Variants in SNX25 observed in about 807,000 individuals in gnomAD.
SNX25 encodes the protein sorting nexin 25.
A neutral mutation model predicts 113.7 loss-of-function variants in SNX25; 62 were observed. That is an observed-to-expected ratio of 0.55 (90% CI 0.44 to 0.67). SNX25 has a LOEUF of 0.67. Ranked by LOEUF, SNX25 falls within the 30% of genes least tolerant of loss-of-function variation. The probability of loss-of-function intolerance (pLI) is 0.00; values close to 1 mark genes in which losing one functional copy is unlikely to be tolerated. For synonymous variants in SNX25, 421 were observed against 436.2 expected, an observed-to-expected ratio of 0.97 and a Z score of 0.43; for missense variants, 1,014 against 1,161.0, an observed-to-expected ratio of 0.87 and a Z score of 1.84.
intron 16 of SNX25, among the ~76,000 whole-genome samples, chr4:185,361,677 C>T (rs2095364802): frequency 6.6e-6 from 1 of 151,162 alleles, no homozygotes; most frequent in Non-Finnish European, 1.5e-5. Context: ...GGCAGAGGTT[C>T]CAGTGAGCCG....
At chr4:185,247,951 A>G (rs542291298) in intron 2 of SNX25, among the ~76,000 whole-genome samples, 2 of 152,350 alleles carry the variant, frequency 1.3e-5, no homozygotes, top group South Asian at 4.1e-4. Flanking sequence ...AAGATTTTAA[A>G]TATCAAATTT....
chr4:185,287,392 G>T, intron 5 of SNX25, among the ~76,000 whole-genome samples: 1 of 152,308 alleles, frequency 6.6e-6, no homozygotes, highest in African/African-American at 2.4e-5. Context: ...TTGGGACCGT[G>T]TTCTAAATGA....
intron 14 of SNX25, among the ~76,000 whole-genome samples, chr4:185,352,469 A>G (rs1446856622): frequency 6.6e-6 from 1 of 151,892 alleles, no homozygotes; most frequent in African/African-American, 2.4e-5. Context: ...ACATCTACCC[A>G]CGGCCCCCCA....
intron 13 of SNX25, among the ~76,000 whole-genome samples, chr4:185,350,130 C>T (rs2095307965): frequency 6.6e-6 from 1 of 152,000 alleles, no homozygotes; most frequent in Admixed American, 6.5e-5. Context: ...TACGTGAATG[C>T]TGATGGTGTT....
downstream of SNX25, among the ~76,000 whole-genome samples, chr4:185,371,964 C>T (rs2095417612): frequency 6.6e-6 from 1 of 152,190 alleles, no homozygotes. Context: ...CTCTAGAGTA[C>T]ACCCAGGTCT....
chr4:185,206,288 A>C (rs1197123923), upstream of SNX25, among the ~76,000 whole-genome samples: 1 of 152,230 alleles, frequency 6.6e-6, no homozygotes, highest in African/African-American at 2.4e-5. Context: ...AGAATGTAGT[A>C]GATACATAAA....
intron 7 of SNX25, among the ~76,000 whole-genome samples, chr4:185,320,051 T>C (rs1376973377): frequency 1.3e-5 from 2 of 152,224 alleles, no homozygotes; most frequent in African/African-American, 2.4e-5. Flanking sequence ...CTTTAACCAT[T>C]GTGGAAGACA....
chr4:185,305,404 G>T (rs1754319167), intron 6 of SNX25, among the ~76,000 whole-genome samples: 1 of 152,032 alleles, frequency 6.6e-6, no homozygotes, highest in Non-Finnish European at 1.5e-5. Context: ...TTCTACTGTT[G>T]GTGTTTTTCT....
intron 1 of SNX25, among the ~76,000 whole-genome samples, chr4:185,224,307 C>T (rs1380035840): frequency 1.3e-5 from 2 of 149,990 alleles, no homozygotes; most frequent in Non-Finnish European, 3.0e-5. Flanking sequence ...GCCGAGATTG[C>T]GCCATTGCAC....
chr4:185,209,253 G>A (rs1203179154), upstream of SNX25: 1 of 152,266 alleles, frequency 6.6e-6, no homozygotes, highest in East Asian at 1.9e-4. This position sits in a 1 kb window ranked among gnomAD's most constrained non-coding sequence, Gnocchi z 5.2. Context: ...AGGCAGAAAT[G>A]TTTGCCGGCT....
intron 9 of SNX25, among the ~76,000 whole-genome samples, chr4:185,325,058 A>T (rs2095146759): frequency 6.6e-6 from 1 of 152,274 alleles, no homozygotes; most frequent in South Asian, 2.1e-4. Flanking sequence ...TTGTTTCCAA[A>T]CCAAGAATCT....
chr4:185,223,005 A>T (rs908802756), intron 1 of SNX25, among the ~76,000 whole-genome samples: 8 of 152,226 alleles, frequency 5.3e-5, no homozygotes, highest in Admixed American at 4.6e-4. Context: ...CTTACTTTTT[A>T]CAAACCTTTT....
intron 7 of SNX25, among the ~76,000 whole-genome samples, chr4:185,318,985 TACATAATTG>T (rs2095096934): frequency 6.6e-6 from 1 of 152,164 alleles, no homozygotes; most frequent in Non-Finnish European, 1.5e-5. Context: ...TACAGAGGAT[TACATAATTG>T]ACTGTTGCCC....
At chr4:185,235,325 G>T (rs532520001) in intron 1 of SNX25, among the ~76,000 whole-genome samples, 2 of 152,186 alleles carry the variant, frequency 1.3e-5, no homozygotes, top group Non-Finnish European at 2.9e-5. Context: ...AGCTGTGTTG[G>T]TCTTACTAAG....
intron 5 of SNX25, among the ~76,000 whole-genome samples, chr4:185,283,511 A>C (rs865904069): frequency 6.6e-6 from 1 of 152,216 alleles, no homozygotes; most frequent in Admixed American, 6.5e-5. Context: ...AACAGTATGC[A>C]GGAGGGATAT....
intron 13 of SNX25, 66 bp downstream of exon 13, chr4:185,346,716 T>G (rs1579877045): frequency 1.0e-6 from 1 of 1,004,936 alleles, no homozygotes; most frequent in African/African-American, 1.7e-5. Flanking sequence ...ACTGTCATCA[T>G]TCTACGAGCT....
chr4:185,295,954 T>G (rs1752781582), intron 6 of SNX25: 1 of 152,226 alleles, frequency 6.6e-6, no homozygotes, highest in South Asian at 2.1e-4. Context: ...GGGTATTTAC[T>G]ATAAAGAAGA....
At chr4:185,317,564 A>G (rs1344866605) in intron 7 of SNX25, among the ~76,000 whole-genome samples, 4 of 152,206 alleles carry the variant, frequency 2.6e-5, no homozygotes, top group Non-Finnish European at 5.9e-5. Context: ...AAGTCATGGA[A>G]CCAACCCAAA....
intron 1 of SNX25, among the ~76,000 whole-genome samples, chr4:185,218,673 G>A (rs1739290546): frequency 6.6e-6 from 1 of 152,230 alleles, no homozygotes; most frequent in Non-Finnish European, 1.5e-5. Flanking sequence ...GAAGCAAAGA[G>A]GGGAGCAAGG....
Sources: gnomAD v4.1 joint callset for allele counts (sites outside exome capture counted in the v4.1 genomes callset) on GRCh38, gnomAD v4.1.1 for gene constraint, Gnocchi (gnomAD v3.1) non-coding constraint, MANE v1.5 for transcripts, NCBI Gene and HGNC (gene_info 2026-07-23, HGNC 2026-07-21) for gene names.